The following PDE3B variants were observed in gnomAD, a reference collection of about 807,000 sequenced individuals.
PDE3B encodes cGMP-inhibited 3',5'-cyclic phosphodiesterase 3B.
PDE3B carries 66 observed loss-of-function variants against 116.8 expected under a neutral mutation model. The observed-to-expected ratio is 0.56, with a 90% CI of 0.46 to 0.69. The LOEUF (loss-of-function observed/expected upper bound fraction) is 0.69. PDE3B is among the 30% of genes least tolerant of loss of function. The pLI, the probability that PDE3B is intolerant of heterozygous loss-of-function variation, is 0.00. For synonymous variants in PDE3B, 595 were observed against 533.6 expected (o/e 1.12, Z -1.59); for missense variants, 1,384 against 1,368.1 (o/e 1.01, Z -0.18).
At chr11:14,810,612 A>G (rs941936601) in intron 5 of PDE3B, among the ~76,000 whole-genome samples, 3 of 150,972 alleles carry the variant, frequency 2.0e-5, no homozygotes, top group African/African-American at 4.9e-5. Flanking sequence ...ATTGTGAATA[A>G]TGCCGCAATA....
At position 14,835,001 on chromosome 11, in the gene PDE3B, C is replaced by T; in HGVS notation, c.2226C>T (p.Ala742=). 6.2e-7 allele frequency: 1 copy of T among 1,610,898 alleles called. No homozygotes were observed. Among genetic ancestry groups the T allele is most frequent in the Non-Finnish European group, 8.5e-7 (1 of 1,177,862 alleles). The change falls in exon 11 of 16, where the codon GCC becomes GCT. Residue 742 remains alanine, a synonymous_variant. Transcript: ENST00000282096. ...RDIPYHNRIH[A]TDVLHAVWYL... ...CTTTAGATCACAATCGTATACATGC[C>T]ACAGATGTGCTACATGCAGTTTGGT...
intron 1 of PDE3B, among the ~76,000 whole-genome samples, chr11:14,746,601 C>T (rs1407633542): frequency 4.6e-5 from 7 of 152,082 alleles, no homozygotes; most frequent in Admixed American, 1.3e-4. Flanking sequence ...ATAAACTTAC[C>T]TAAATGTTTT....
intron 12 of PDE3B, 21 bp downstream of exon 12, chr11:14,844,047 C>A (rs774015555): frequency 2.5e-6 from 4 of 1,573,278 alleles, no homozygotes; most frequent in Non-Finnish European, 3.5e-6. Flanking sequence ...TTTTTAAGAA[C>A]CTTTAAAGAG....
At chr11:14,663,998 T>C (rs993589902) in intron 1 of PDE3B, among the ~76,000 whole-genome samples, 1 of 152,120 alleles carries the variant, frequency 6.6e-6, no homozygotes, top group Non-Finnish European at 1.5e-5. Context: ...TATTCCAAAA[T>C]TGACCACATA....
At chr11:14,794,361 G>C (rs1482038670) in intron 4 of PDE3B, among the ~76,000 whole-genome samples, 1 of 150,868 alleles carries the variant, frequency 6.6e-6, no homozygotes, top group East Asian at 1.9e-4. Flanking sequence ...CTGTTGCCCA[G>C]GCTGGAGTGC....
chr11:14,803,904 C>T (rs901887130), intron 4 of PDE3B, 40 bp from the exon 5 acceptor site: 4 of 1,129,398 alleles, frequency 3.5e-6, no homozygotes, highest in Non-Finnish European at 5.4e-6. Context: ...GAAACTTTTC[C>T]TGTTTTTAAA....
intron 15 of PDE3B, among the ~76,000 whole-genome samples, chr11:14,869,191 T>G (rs1200764280): frequency 1.3e-5 from 2 of 152,132 alleles, no homozygotes; most frequent in African/African-American, 4.8e-5. Flanking sequence ...TCTTCTCTAT[T>G]TTGTTTTTAT....
chr11:14,819,514 A>G (rs1273631444), intron 7 of PDE3B, among the ~76,000 whole-genome samples: 2 of 152,164 alleles, frequency 1.3e-5, no homozygotes, highest in African/African-American at 4.8e-5. Context: ...TCTAAATCCA[A>G]ACGGTTTTGC....
At chr11:14,778,912 C>A (rs1440667005) in intron 2 of PDE3B, among the ~76,000 whole-genome samples, 1 of 152,004 alleles carries the variant, frequency 6.6e-6, no homozygotes, top group Admixed American at 6.6e-5. Flanking sequence ...CGCAAAGAAG[C>A]CAAAAACCTT....
chr11:14,803,193 CCCAAAA>C (rs201611537), intron 4 of PDE3B, among the ~76,000 whole-genome samples: 17,441 of 152,014 alleles, frequency 0.11, 1,303 homozygotes, highest in African/African-American at 0.22. Context: ...TGACTGAGGT[CCCAAAA>C]TCACATTCCT....
chr11:14,883,221 G>A, the PDE3B span, among the ~76,000 whole-genome samples: 1 of 151,256 alleles, frequency 6.6e-6, no homozygotes, highest in East Asian at 1.9e-4. Context: ...AGCCTGCATC[G>A]CCAAGTCAAT....
At chr11:14,714,399 G>A (rs1855808634) in intron 1 of PDE3B, among the ~76,000 whole-genome samples, 2 of 151,810 alleles carry the variant, frequency 1.3e-5, no homozygotes, top group Non-Finnish European at 2.9e-5. Context: ...TTTTTAGCTG[G>A]GCGTGGTGGC....
chr11:14,780,632 A>C (rs554897349), intron 2 of PDE3B, among the ~76,000 whole-genome samples: 1 of 152,332 alleles, frequency 6.6e-6, no homozygotes, highest in East Asian at 1.9e-4. Context: ...ACAAAGACAC[A>C]ACATACCAGA....
In PDE3B at chr11:14,793,485, T is replaced by C. The variant is rs562286410; in HGVS notation, c.1415+4243T>C. On this transcript the variant is annotated intron_variant, in intron 4 of 15. Coordinates refer to ENST00000282096, the MANE Select transcript of PDE3B (RefSeq NM_000922.4). ...TCCATTTGCAGAGTCATGTTTATAC[T>C]CAAGAAATTTTGAATTTTGGAGCAT... 7.9e-5 allele frequency among the ~76,000 whole-genome samples: 12 copies of C among 152,308 alleles called. No individual in the cohort carries two copies. The South Asian group carries it at 2.3e-3, about 29-fold the overall frequency.
At chr11:14,698,437 C>T (rs140219754) in intron 1 of PDE3B, among the ~76,000 whole-genome samples, 126 of 151,996 alleles carry the variant, frequency 8.3e-4, no homozygotes, top group African/African-American at 2.8e-3. Context: ...TGAACCAACA[C>T]TGTATTCTTG....
intron 7 of PDE3B, among the ~76,000 whole-genome samples, chr11:14,823,814 G>T (rs891212662): frequency 2.6e-5 from 4 of 152,154 alleles, no homozygotes; most frequent in African/African-American, 9.7e-5. Context: ...TGTTACTTGG[G>T]TTTCCAATCT....
chr11:14,682,720 G>A (rs1264162863), intron 1 of PDE3B, among the ~76,000 whole-genome samples: 2 of 150,964 alleles, frequency 1.3e-5, no homozygotes, highest in Non-Finnish European at 3.0e-5. Context: ...TTGATTTGTT[G>A]ATATTTTATT....
chr11:14,729,751 A>C (rs1395090169), intron 1 of PDE3B, among the ~76,000 whole-genome samples: 1 of 152,216 alleles, frequency 6.6e-6, no homozygotes, highest in Non-Finnish European at 1.5e-5. Context: ...TTGAGTATAA[A>C]ATCATAATCT....
chr11:14,823,740 A>G (rs1565153098), intron 7 of PDE3B, among the ~76,000 whole-genome samples: 2 of 152,170 alleles, frequency 1.3e-5, no homozygotes, highest in African/African-American at 4.8e-5. Flanking sequence ...AACCAAGGTG[A>G]CTAGGGACTG....
Sources: gnomAD v4.1 joint callset for allele counts (sites outside exome capture counted in the v4.1 genomes callset) on GRCh38, gnomAD v4.1.1 for gene constraint, MANE v1.5 for transcripts, NCBI Gene and HGNC (gene_info 2026-07-23, HGNC 2026-07-21) for gene names.